SMC1B: variants seen among roughly 807,000 people sequenced by gnomAD.
SMC1B encodes structural maintenance of chromosomes 1B.
SMC1B carries 60 observed loss-of-function variants against 157.9 expected under a neutral mutation model. The ratio of observed to expected loss-of-function variants is 0.38; its 90% CI spans 0.31 to 0.47. The LOEUF (loss-of-function observed/expected upper bound fraction) is 0.47, where lower values mean the gene tolerates loss of function less well. Ranked by LOEUF, SMC1B falls within the 20% of genes least tolerant of loss-of-function variation. SMC1B has a pLI of 0.99. For synonymous variants in SMC1B, 445 were observed against 483.0 expected, an observed-to-expected ratio of 0.92 and a Z score of 1.03; for missense variants, 1,165 against 1,426.2, an observed-to-expected ratio of 0.82 and a Z score of 2.95.
chr22:45,349,490 C>T (rs71328692), intron 23 of SMC1B, among the ~76,000 whole-genome samples: 18,387 of 29,004 alleles, frequency 0.63, 6,863 homozygotes, highest in African/African-American at 0.69. Flanking sequence ...CGCACACCAC[C>T]ACACCTGGCT....
At chr22:45,377,473 C>A (rs1394568183) in intron 12 of SMC1B, among the ~76,000 whole-genome samples, 4 of 151,890 alleles carry the variant, frequency 2.6e-5, no homozygotes, top group Non-Finnish European at 4.4e-5. Context: ...CCCGTCTCTA[C>A]TAAAAATACA....
chr22:45,346,037 T>C (rs1210176364), intron 23 of SMC1B, among the ~76,000 whole-genome samples: 1 of 152,030 alleles, frequency 6.6e-6, no homozygotes, highest in Non-Finnish European at 1.5e-5. Flanking sequence ...ACCCCGTCTC[T>C]ACTAAAATTA....
chr22:45,388,779 C>T (rs926466619), intron 10 of SMC1B, among the ~76,000 whole-genome samples: 1 of 151,662 alleles, frequency 6.6e-6, no homozygotes, highest in Non-Finnish European at 1.5e-5. Context: ...AATTTGAGAC[C>T]AGCCTGACCA....
At chr22:45,401,936 T>A (rs1163129484) in intron 5 of SMC1B, among the ~76,000 whole-genome samples, 1 of 151,148 alleles carries the variant, frequency 6.6e-6, no homozygotes, top group African/African-American at 2.4e-5. Flanking sequence ...CAGGCTGGAG[T>A]GTAGTGGCGT....
At chr22:45,349,367 C>T (rs1384034623) in intron 23 of SMC1B, among the ~76,000 whole-genome samples, 2 of 147,466 alleles carry the variant, frequency 1.4e-5, no homozygotes, top group East Asian at 2.0e-4. Context: ...GACAGAGTCT[C>T]ACTCTGTCGC....
intron 23 of SMC1B, among the ~76,000 whole-genome samples, chr22:45,345,888 G>A (rs544355248): frequency 2.8e-4 from 42 of 152,198 alleles, no homozygotes; most frequent in African/African-American, 9.6e-4. Context: ...TTTTGAGGGT[G>A]AAAAAGGGCT....
intron 12 of SMC1B, among the ~76,000 whole-genome samples, chr22:45,381,599 A>G (rs2086937594): frequency 6.6e-6 from 1 of 152,202 alleles, no homozygotes; most frequent in Admixed American, 6.5e-5. Context: ...GCCCTATATC[A>G]GCTTTTCCCA....
At chr22:45,373,157 T>C (rs1405972905) in intron 12 of SMC1B, among the ~76,000 whole-genome samples, 1 of 152,216 alleles carries the variant, frequency 6.6e-6, no homozygotes, top group African/African-American at 2.4e-5. Flanking sequence ...CTGACATGTA[T>C]TGATTGATGT....
At position 45,358,807 on chromosome 22, in the gene SMC1B, G is replaced by A; in HGVS notation, c.2863-12C>T. 6.3e-7 allele frequency: 1 copy of A among 1,581,988 alleles called. No homozygotes were observed. The highest frequency in any genetic ancestry group is 8.7e-7 in the Non-Finnish European group (1 of 1,153,022). On this transcript the variant is annotated splice_polypyrimidine_tract_variant and intron_variant, in intron 18 of 24. Transcript: ENST00000357450. ...GCTTCAGTTCCCATCTGAAAAATAT[G>A]TGAACACATACATTTGTTGATTAAG...
At chr22:45,349,304 G>A (rs899539383) in intron 23 of SMC1B, among the ~76,000 whole-genome samples, 11 of 143,100 alleles carry the variant, frequency 7.7e-5, no homozygotes, top group Non-Finnish European at 1.4e-4. Flanking sequence ...CGTGAGCCAC[G>A]GGTGCCTGGC....
At chr22:45,360,775 G>A (rs2086713892) in intron 17 of SMC1B, among the ~76,000 whole-genome samples, 1 of 152,060 alleles carries the variant, frequency 6.6e-6, no homozygotes, top group Non-Finnish European at 1.5e-5. Context: ...AAACACCGAA[G>A]GTCTTCGAAC....
chr22:45,402,998 G>A (rs372315983), intron 4 of SMC1B, among the ~76,000 whole-genome samples: 4 of 152,134 alleles, frequency 2.6e-5, no homozygotes, highest in African/African-American at 4.8e-5. Flanking sequence ...TTTTTCTACC[G>A]ATAAAACAGG....
chr22:45,395,092 T>C (rs539478621), intron 7 of SMC1B, among the ~76,000 whole-genome samples: 4 of 152,276 alleles, frequency 2.6e-5, no homozygotes, highest in Admixed American at 6.5e-5. Context: ...TGCAATTACT[T>C]TTGCAACAAT....
In SMC1B at chr22:45,393,852, A is replaced by G; in HGVS notation, c.1338-11T>C. The stretch of plus-strand genomic sequence containing the variant: ...TCTTTCAAGCAATCCCTACAAAATA[A>G]CAACAAATTATACAGCAAAATGATA... On this transcript the variant is annotated splice_polypyrimidine_tract_variant and intron_variant, in intron 8 of 24. Coordinates refer to ENST00000357450, the MANE Select transcript of SMC1B (RefSeq NM_148674.5). 6.3e-7 allele frequency: 1 copy of G among 1,591,094 alleles called. No individual in the cohort carries two copies.
At chr22:45,402,030 C>A (rs1323395863) in intron 5 of SMC1B, among the ~76,000 whole-genome samples, 1 of 152,038 alleles carries the variant, frequency 6.6e-6, no homozygotes, top group African/African-American at 2.4e-5. Flanking sequence ...ACTACAGGTG[C>A]CTGCCACCAT....
intron 4 of SMC1B, among the ~76,000 whole-genome samples, chr22:45,404,386 T>G (rs2087233176): frequency 6.6e-6 from 1 of 152,204 alleles, no homozygotes; most frequent in African/African-American, 2.4e-5. Context: ...CCGTGCAAAG[T>G]TGTCTCTTGT....
chr22:45,354,413 C>T (rs1031819569), intron 20 of SMC1B, among the ~76,000 whole-genome samples: 16 of 151,754 alleles, frequency 1.1e-4, no homozygotes, highest in African/African-American at 3.4e-4. Flanking sequence ...TATTTAGAGA[C>T]GGAGTCTTGC....
intron 4 of SMC1B, among the ~76,000 whole-genome samples, 198 bp from the exon 5 acceptor site, chr22:45,402,769 T>C (rs1177100533): frequency 6.6e-6 from 1 of 152,222 alleles, no homozygotes; most frequent in East Asian, 1.9e-4. Flanking sequence ...GCAAATGATT[T>C]TGTGTTCTTG....
intron 7 of SMC1B, among the ~76,000 whole-genome samples, chr22:45,395,841 G>A (rs1336529824): frequency 6.6e-6 from 1 of 152,174 alleles, no homozygotes; most frequent in Non-Finnish European, 1.5e-5. Flanking sequence ...TGGGCAACAA[G>A]ACCGAAACTC....
Sources: gnomAD v4.1 joint callset for allele counts (sites outside exome capture counted in the v4.1 genomes callset) on GRCh38, gnomAD v4.1.1 for gene constraint, MANE v1.5 for transcripts, NCBI Gene and HGNC (gene_info 2026-07-23, HGNC 2026-07-21) for gene names.